The following LDB2 variants were observed in gnomAD, a reference collection of about 807,000 sequenced individuals.
LDB2 encodes the protein LIM domain-binding protein 2.
A neutral mutation model predicts 44.3 loss-of-function variants in LDB2; 12 were observed. The observed-to-expected ratio is 0.27, with a 90% CI of 0.17 to 0.44. The LOEUF is 0.44. Ranked by LOEUF, LDB2 falls within the 20% of genes least tolerant of loss-of-function variation. LDB2 has a pLI of 1.00. For missense variants in LDB2, 344 were observed against 473.5 expected (o/e 0.73, Z 2.54); for synonymous variants, 164 against 174.8 (o/e 0.94, Z 0.49).
chr4:16,642,038 A>G (rs1735320941), intron 2 of LDB2, among the ~76,000 whole-genome samples: 1 of 152,206 alleles, frequency 6.6e-6, no homozygotes, highest in Non-Finnish European at 1.5e-5. Context: ...AAAATAAAAC[A>G]GAAAAAAATT....
rs1553889175 is a variant in LDB2 at position 16,542,104 on chromosome 4, G to GGC, written c.616-30001_616-30000insGC. On this transcript the variant is annotated intron_variant, in intron 5 of 7. Transcript: ENST00000304523. ...TCCTTCCAATTACATCAGGTGGTGG[G>GGC]GGGGGGGGCGCGAGCAGGAGGGCAT... Among the ~76,000 whole-genome samples the GGC allele has an allele frequency of 2.5e-3, 375 of 147,618 alleles. 32 individuals are homozygous for GGC. Among genetic ancestry groups the GGC allele is most frequent in the African/African-American group, 8.7e-3 (346 of 39,628 alleles).
intron 2 of LDB2, among the ~76,000 whole-genome samples, chr4:16,694,286 A>C (rs1751569473): frequency 6.6e-6 from 1 of 152,188 alleles, no homozygotes. Flanking sequence ...TTACTTGCGC[A>C]TTCACACTTT....
At chr4:16,773,257 GT>G in intron 1 of LDB2, among the ~76,000 whole-genome samples, 1 of 152,256 alleles carries the variant, frequency 6.6e-6, no homozygotes, top group Non-Finnish European at 1.5e-5. Context: ...TGGAAGACAG[GT>G]TTTTCACGGA....
At chr4:16,864,935 G>GA (rs1714150922) in intron 1 of LDB2, among the ~76,000 whole-genome samples, 2 of 150,696 alleles carry the variant, frequency 1.3e-5, no homozygotes, top group African/African-American at 4.9e-5. Flanking sequence ...AAAAAGAAAA[G>GA]AACAAAAATA....
intron 5 of LDB2, among the ~76,000 whole-genome samples, chr4:16,522,443 C>G (rs552835928): frequency 2.0e-5 from 3 of 152,232 alleles, no homozygotes; most frequent in African/African-American, 7.2e-5. Flanking sequence ...AGTTCCTAAA[C>G]AATGCAGTAT....
At chr4:16,638,889 T>C (rs1389105094) in intron 2 of LDB2, among the ~76,000 whole-genome samples, 1 of 152,182 alleles carries the variant, frequency 6.6e-6, no homozygotes, top group Non-Finnish European at 1.5e-5. Context: ...AGCACAGAGA[T>C]GCAATCTCCA....
At chr4:16,786,949 C>T (rs924722613) in intron 1 of LDB2, among the ~76,000 whole-genome samples, 1 of 152,088 alleles carries the variant, frequency 6.6e-6, no homozygotes, top group Non-Finnish European at 1.5e-5. Context: ...CCTCAGGGTC[C>T]CTATCCCATC....
At chr4:16,508,733 A>G (rs1720540260) in intron 6 of LDB2, 47 bp from the exon 7 acceptor site, 1 of 1,582,340 alleles carries the variant, frequency 6.3e-7, no homozygotes. Flanking sequence ...GGCAAAAGCA[A>G]CAAGGCAATC....
chr4:16,596,638 A>G (rs1230483723), intron 2 of LDB2, among the ~76,000 whole-genome samples: 2 of 152,326 alleles, frequency 1.3e-5, no homozygotes, highest in East Asian at 1.9e-4. Flanking sequence ...TGATTATTCT[A>G]TCTGCTTTTG....
chr4:16,560,211 A>C (rs1741511978), intron 5 of LDB2, among the ~76,000 whole-genome samples: 1 of 152,232 alleles, frequency 6.6e-6, no homozygotes, highest in African/African-American at 2.4e-5. Context: ...AGAAATAACT[A>C]AAATCAGAGC....
intron 2 of LDB2, among the ~76,000 whole-genome samples, chr4:16,714,129 G>T (rs1756521486): frequency 1.3e-5 from 2 of 152,208 alleles, no homozygotes; most frequent in Admixed American, 6.5e-5. Flanking sequence ...AACCAAAAAG[G>T]TGTCTAATAG....
chr4:16,584,266 T>C (rs970148613), intron 5 of LDB2, among the ~76,000 whole-genome samples: 7 of 152,136 alleles, frequency 4.6e-5, no homozygotes, highest in African/African-American at 1.7e-4. Flanking sequence ...GGAGCTGATA[T>C]TATTTTTGGC....
At chr4:16,876,837 C>A (rs779036851) in intron 1 of LDB2, among the ~76,000 whole-genome samples, 1 of 152,004 alleles carries the variant, frequency 6.6e-6, no homozygotes, top group Non-Finnish European at 1.5e-5. Flanking sequence ...TAACCAAATA[C>A]TCCATCCATT....
At chr4:16,792,023 G>C (rs1775866197) in intron 1 of LDB2, among the ~76,000 whole-genome samples, 1 of 152,178 alleles carries the variant, frequency 6.6e-6, no homozygotes, top group Non-Finnish European at 1.5e-5. Flanking sequence ...TTTTGAAGGA[G>C]AGGAGTTGAA....
intron 2 of LDB2, among the ~76,000 whole-genome samples, chr4:16,614,516 T>A (rs1478590173): frequency 7.0e-6 from 1 of 142,448 alleles, no homozygotes; most frequent in East Asian, 2.0e-4. Flanking sequence ...TTGCAATCTA[T>A]CCCTCTGACA....
At chr4:16,873,294 A>T (rs1455414911) in intron 1 of LDB2, among the ~76,000 whole-genome samples, 2 of 152,162 alleles carry the variant, frequency 1.3e-5, no homozygotes, top group Admixed American at 6.5e-5. Flanking sequence ...TAAGAGACAA[A>T]CTTGACTTTA....
chr4:16,684,583 G>T (rs1385717548), intron 2 of LDB2, among the ~76,000 whole-genome samples: 1 of 152,258 alleles, frequency 6.6e-6, no homozygotes, highest in East Asian at 1.9e-4. Flanking sequence ...TTGAAAAGGT[G>T]GTGTGTTATT....
intron 2 of LDB2, among the ~76,000 whole-genome samples, chr4:16,677,116 T>C (rs980916226): frequency 6.6e-6 from 1 of 152,182 alleles, no homozygotes; most frequent in East Asian, 1.9e-4. Flanking sequence ...GTTGGAGTTA[T>C]AGTGTGAATA....
At chr4:16,595,529 C>G (rs183876511) in intron 3 of LDB2, among the ~76,000 whole-genome samples, 174 bp downstream of exon 3, 2 of 152,084 alleles carry the variant, frequency 1.3e-5, no homozygotes, top group Admixed American at 6.5e-5. Flanking sequence ...ATCTTAGAAC[C>G]GTGTTCACCC....
Sources: allele counts gnomAD v4.1 joint callset (sites outside exome capture counted in the v4.1 genomes callset), GRCh38; gene constraint gnomAD v4.1.1; transcripts MANE v1.5; gene names NCBI Gene and HGNC (gene_info 2026-07-23, HGNC 2026-07-21).